AFF3: variants seen among roughly 807,000 people sequenced by gnomAD.
AFF3 encodes AF4/FMR2 family member 3.
A neutral mutation model predicts 129.7 loss-of-function variants in AFF3; 32 were observed. That is an observed-to-expected ratio of 0.25 (90% confidence interval 0.19 to 0.33). The LOEUF is 0.33. Among genes scored for constraint, AFF3 ranks in the 10% least tolerant of loss-of-function variants. The pLI is 1.00. For missense variants in AFF3, 1,373 were observed against 1,592.0 expected, an observed-to-expected ratio of 0.86 and a Z score of 2.34; for synonymous variants, 644 against 635.4, an observed-to-expected ratio of 1.01 and a Z score of -0.20.
At chr2:99,966,818 G>C (rs1188776902) in intron 7 of AFF3, among the ~76,000 whole-genome samples, 1 of 147,948 alleles carries the variant, frequency 6.8e-6, no homozygotes, top group Non-Finnish European at 1.5e-5. Context: ...TAATATTTAT[G>C]AGGAAAATAA....
At chr2:99,803,741 C>A (rs778974103) in intron 8 of AFF3, among the ~76,000 whole-genome samples, 3 of 152,202 alleles carry the variant, frequency 2.0e-5, no homozygotes, top group Non-Finnish European at 4.4e-5. Flanking sequence ...GATACACGGA[C>A]CAATGGAGCA....
At chr2:100,114,040 A>C (rs919758735) in intron 2 of AFF3, among the ~76,000 whole-genome samples, 1 of 152,182 alleles carries the variant, frequency 6.6e-6, no homozygotes, top group Admixed American at 6.5e-5. Flanking sequence ...GCAGGAAACC[A>C]AGATCAGAGA....
chr2:99,826,072 TG>T (rs1688056368), intron 8 of AFF3, among the ~76,000 whole-genome samples: 1 of 152,152 alleles, frequency 6.6e-6, no homozygotes. Context: ...TGCAGTGCAG[TG>T]GTGTGATTTC....
In AFF3 at chr2:99,554,304, C is replaced by T. The variant is rs1041410844; in HGVS notation, c.3559+7G>A. ...AGCCCCTGGTTCCCCGTGGGGTGTG[C>T]GCTCACCTCGGTTTTCCTTGGCCAG... is the stretch of plus-strand genomic sequence containing the variant. On this transcript the variant is annotated splice_region_variant and intron_variant, in intron 24 of 24. Coordinates refer to ENST00000672756, the MANE Select transcript of AFF3 (RefSeq NM_001386135.1). 8.1e-6 allele frequency: 13 copies of T among 1,613,958 alleles called. No individual in the cohort carries two copies. The highest frequency in any genetic ancestry group is 1.1e-5 in the South Asian group (1 of 91,078).
At chr2:99,781,754 T>C (rs1013978446) in intron 8 of AFF3, among the ~76,000 whole-genome samples, 10 of 152,146 alleles carry the variant, frequency 6.6e-5, no homozygotes, top group African/African-American at 2.2e-4. Flanking sequence ...AATAAATGAA[T>C]GAATGAATGA....
chr2:100,112,080 C>T (rs761538370), intron 2 of AFF3, among the ~76,000 whole-genome samples: 25 of 152,224 alleles, frequency 1.6e-4, no homozygotes, highest in Non-Finnish European at 2.8e-4. Flanking sequence ...CTCAGCTTTG[C>T]TGAACTCCTT....
At chr2:99,803,392 C>A (rs2105521794) in intron 8 of AFF3, among the ~76,000 whole-genome samples, 1 of 152,130 alleles carries the variant, frequency 6.6e-6, no homozygotes, top group South Asian at 2.1e-4. Flanking sequence ...TGAAAGATCT[C>A]TACAAGGGGA....
chr2:100,030,405 G>A (rs1684398852), intron 4 of AFF3, among the ~76,000 whole-genome samples: 2 of 152,156 alleles, frequency 1.3e-5, no homozygotes, highest in East Asian at 1.9e-4. Context: ...AAGATGCAGA[G>A]CTGGCTGGAA....
intron 8 of AFF3, among the ~76,000 whole-genome samples, chr2:99,778,829 A>C (rs1684145950): frequency 6.6e-6 from 1 of 150,692 alleles, no homozygotes; most frequent in Admixed American, 6.6e-5. Context: ...TATTGATCTT[A>C]TATTCTGCAA....
At chr2:100,106,529 T>G in intron 2 of AFF3, 3 of 998,542 alleles carry the variant, frequency 3.0e-6, no homozygotes, top group Non-Finnish European at 3.6e-6. Flanking sequence ...GATCGAGACA[T>G]TGAGACAGCA....
chr2:99,810,016 CT>C (rs1686666118), intron 8 of AFF3, among the ~76,000 whole-genome samples: 1 of 152,166 alleles, frequency 6.6e-6, no homozygotes, highest in South Asian at 2.1e-4. Flanking sequence ...ATTCACAGTG[CT>C]ATCTTCAACA....
chr2:99,560,116 G>T (rs775309558), intron 21 of AFF3, among the ~76,000 whole-genome samples: 28 of 152,316 alleles, frequency 1.8e-4, no homozygotes, highest in Non-Finnish European at 3.8e-4. Context: ...CAAAAATTAG[G>T]CCGGGCACAG....
intron 8 of AFF3, among the ~76,000 whole-genome samples, chr2:99,766,581 G>GTT (rs756406248): frequency 1.3e-5 from 2 of 152,038 alleles, no homozygotes; most frequent in Non-Finnish European, 2.9e-5. Context: ...CAGAAATAAG[G>GTT]TTAAACTATC....
At chr2:100,110,387 G>C (rs1483125911) in intron 2 of AFF3, 2 of 152,334 alleles carry the variant, frequency 1.3e-5, no homozygotes, top group Non-Finnish European at 2.9e-5. Context: ...AGGACACTTA[G>C]CTTAGGTCTG....
intron 14 of AFF3, 145 bp downstream of exon 14, chr2:99,601,290 C>T: frequency 1.0e-6 from 1 of 991,464 alleles, no homozygotes; most frequent in Non-Finnish European, 1.4e-6. Flanking sequence ...GCCCGAAGCC[C>T]ATAGCCTCCT....
At chr2:99,614,041 A>G (rs1344737537) in intron 13 of AFF3, among the ~76,000 whole-genome samples, 1 of 152,324 alleles carries the variant, frequency 6.6e-6, no homozygotes, top group East Asian at 1.9e-4. Flanking sequence ...AGCCCGGGGC[A>G]GGAACCTTAG....
chr2:99,924,877 A>AT (rs113424483), intron 7 of AFF3, among the ~76,000 whole-genome samples: 3,811 of 144,376 alleles, frequency 0.026, 72 homozygotes, highest in African/African-American at 0.058. Context: ...TGATTTATTA[A>AT]TTTTTTTTTT....
intron 7 of AFF3, among the ~76,000 whole-genome samples, chr2:99,980,067 A>G (rs1311115738): frequency 6.6e-6 from 1 of 152,188 alleles, no homozygotes; most frequent in African/African-American, 2.4e-5. Context: ...GTGAAAACTC[A>G]TAACAATGTC....
intron 7 of AFF3, among the ~76,000 whole-genome samples, chr2:99,934,859 C>T (rs1674380967): frequency 6.6e-6 from 1 of 152,196 alleles, no homozygotes; most frequent in African/African-American, 2.4e-5. Context: ...ATGCAGAAAA[C>T]TTAGCTAGCA....
Sources: gnomAD v4.1 joint callset for allele counts (sites outside exome capture counted in the v4.1 genomes callset) on GRCh38, gnomAD v4.1.1 for gene constraint, MANE v1.5 for transcripts, NCBI Gene and HGNC (gene_info 2026-07-23, HGNC 2026-07-21) for gene names.